Variants in EFNA5 observed in about 807,000 individuals in gnomAD.
EFNA5 encodes the protein ephrin A5.
EFNA5 carries 5 observed loss-of-function variants against 22.9 expected under a neutral mutation model. The ratio of observed to expected loss-of-function variants is 0.22; its 90% confidence interval spans 0.11 to 0.46. The LOEUF is 0.46. Among genes scored for constraint, EFNA5 ranks in the 20% least tolerant of loss-of-function variants. The pLI, the probability that EFNA5 is intolerant of heterozygous loss-of-function variation, is 0.99. For missense variants in EFNA5, 237 were observed against 293.3 expected, an observed-to-expected ratio of 0.81 and a Z score of 1.40; for synonymous variants, 113 against 112.2, an observed-to-expected ratio of 1.01 and a Z score of -0.04.
At chr5:107,547,658 G>A (rs1000703941) in intron 1 of EFNA5, among the ~76,000 whole-genome samples, 15 of 151,872 alleles carry the variant, frequency 9.9e-5, no homozygotes, top group Non-Finnish European at 1.8e-4. Flanking sequence ...AAGACATTAA[G>A]TAGATTATAC....
chr5:107,641,029 C>G (rs868055253), intron 1 of EFNA5, among the ~76,000 whole-genome samples: 5 of 138,858 alleles, frequency 3.6e-5, no homozygotes, highest in Non-Finnish European at 8.0e-5. Context: ...GATAGACAGA[C>G]AGACAGACAG....
At chr5:107,618,460 C>T (rs1301427809) in intron 1 of EFNA5, among the ~76,000 whole-genome samples, 1 of 152,088 alleles carries the variant, frequency 6.6e-6, no homozygotes, top group East Asian at 1.9e-4. Flanking sequence ...AGCTATATTC[C>T]TCAGGCCAGT....
intron 1 of EFNA5, among the ~76,000 whole-genome samples, chr5:107,630,705 C>A (rs2112535943): frequency 6.6e-6 from 1 of 152,114 alleles, no homozygotes; most frequent in South Asian, 2.1e-4. Flanking sequence ...ATAGATTAAC[C>A]TTAGCTTACT....
intron 1 of EFNA5, among the ~76,000 whole-genome samples, chr5:107,466,280 G>A (rs955418848): frequency 1.3e-5 from 2 of 152,128 alleles, no homozygotes; most frequent in African/African-American, 2.4e-5. Flanking sequence ...ATGTGTCAAA[G>A]GTGCAGGTAT....
intron 1 of EFNA5, among the ~76,000 whole-genome samples, chr5:107,528,417 C>A (rs1360183844): frequency 6.6e-6 from 1 of 152,044 alleles, no homozygotes; most frequent in Non-Finnish European, 1.5e-5. Context: ...CTCAGAATAT[C>A]TACTAAGTGC....
intron 2 of EFNA5, among the ~76,000 whole-genome samples, chr5:107,424,276 G>A (rs1748749340): frequency 7.5e-6 from 1 of 134,182 alleles, no homozygotes; most frequent in East Asian, 2.2e-4. Flanking sequence ...GCTCAATCTC[G>A]GCTCACTGCA....
At chr5:107,616,725 T>A (rs1251487226) in intron 1 of EFNA5, among the ~76,000 whole-genome samples, 1 of 152,180 alleles carries the variant, frequency 6.6e-6, no homozygotes, top group Non-Finnish European at 1.5e-5. Flanking sequence ...TAGCTATATC[T>A]GGGCAGTTAG....
At chr5:107,476,486 G>A (rs1423991975) in intron 1 of EFNA5, among the ~76,000 whole-genome samples, 1 of 152,124 alleles carries the variant, frequency 6.6e-6, no homozygotes, top group African/African-American at 2.4e-5. Flanking sequence ...CAGGTGGCTT[G>A]TTTAGAGTTT....
intron 2 of EFNA5, among the ~76,000 whole-genome samples, chr5:107,405,577 C>T (rs1341321295): frequency 2.6e-5 from 4 of 152,000 alleles, no homozygotes; most frequent in South Asian, 4.2e-4. Flanking sequence ...ATCTGTTTGC[C>T]AAAAATTACT....
chr5:107,496,336 C>CAAAAAAAAAAAAAAAAAAAAAAAA (rs77916124), intron 1 of EFNA5, among the ~76,000 whole-genome samples: 1 of 79,816 alleles, frequency 1.3e-5, no homozygotes, highest in African/African-American at 5.1e-5. Flanking sequence ...AATTCCATCT[C>CAAAAAAAAAAAAAAAAAAAAAAAA]AAAAAAAAAA....
intron 1 of EFNA5, among the ~76,000 whole-genome samples, chr5:107,496,662 T>C (rs1055845869): frequency 3.9e-5 from 6 of 152,348 alleles, no homozygotes; most frequent in African/African-American, 1.4e-4. Flanking sequence ...CAACAGCTGG[T>C]GCTGTCTGTT....
intron 1 of EFNA5, among the ~76,000 whole-genome samples, chr5:107,539,582 C>G (rs1317758213): frequency 6.6e-6 from 1 of 152,170 alleles, no homozygotes; most frequent in African/African-American, 2.4e-5. Context: ...TCTCAGCCTC[C>G]CAAGTAGCTG....
rs951452645 is a variant in EFNA5 at position 107,380,754 on chromosome 5, C to T, written c.*501G>A. 9 of 399,416 alleles carry T rather than the reference C, an allele frequency of 2.3e-5. No individual in the cohort carries two copies. Among genetic ancestry groups the T allele is most frequent in the Non-Finnish European group, 4.0e-5 (9 of 226,684 alleles). The allele number at this position is 399,416 out of a possible 1,614,324, so 24.7% of individuals were successfully genotyped here. On this transcript the variant is annotated 3_prime_UTR_variant, in exon 5 of 5. Transcript: ENST00000333274. ...CTATTCTTAATACCTCCCCTCCGGA[C>T]CTGACATGGTGACATGATGCCCTGC...
chr5:107,397,622 C>T (rs535187542), intron 2 of EFNA5, among the ~76,000 whole-genome samples: 1 of 151,978 alleles, frequency 6.6e-6, no homozygotes, highest in African/African-American at 2.4e-5. Context: ...TATTTCTTAA[C>T]CAGTAAGCCA....
At chr5:107,504,205 T>C (rs1283253921) in intron 1 of EFNA5, among the ~76,000 whole-genome samples, 1 of 152,136 alleles carries the variant, frequency 6.6e-6, no homozygotes, top group Non-Finnish European at 1.5e-5. Context: ...ATTTTTTAAA[T>C]TAACTAAAAA....
intron 1 of EFNA5, among the ~76,000 whole-genome samples, chr5:107,489,486 T>G (rs1580488555): frequency 6.6e-6 from 1 of 152,274 alleles, no homozygotes; most frequent in Non-Finnish European, 1.5e-5. Flanking sequence ...CAGATAAAAT[T>G]TAAACCAAAC....
rs1011606715 is a variant in EFNA5, at chr5:107,664,047, C to T, written c.125+6442G>A. 2.6e-5 allele frequency among the ~76,000 whole-genome samples: 4 copies of T among 152,212 alleles called. No homozygotes were observed. The South Asian group carries it at 8.3e-4, about 32-fold the overall frequency. On this transcript the variant is annotated intron_variant, in intron 1 of 4. Transcript: ENST00000333274. Reference sequence around the variant, plus strand: ...ACTAGCTAGCCTAAATAAGAGTTTTCAATATTTTAAAATAATGTTTTCATT... The same window carrying T: ...ACTAGCTAGCCTAAATAAGAGTTTTTAATATTTTAAAATAATGTTTTCATT...
chr5:107,417,990 G>A (rs1748548132), intron 2 of EFNA5, among the ~76,000 whole-genome samples: 2 of 152,152 alleles, frequency 1.3e-5, no homozygotes, highest in South Asian at 2.1e-4. Context: ...GGTTCAGAGA[G>A]TAACCTTTCA....
chr5:107,489,520 G>A (rs1411528874), intron 1 of EFNA5, among the ~76,000 whole-genome samples: 1 of 151,942 alleles, frequency 6.6e-6, no homozygotes, highest in Non-Finnish European at 1.5e-5. Flanking sequence ...ATTTTCTGTG[G>A]GTTAATGTTA....
Sources: allele counts gnomAD v4.1 joint callset (sites outside exome capture counted in the v4.1 genomes callset), GRCh38; gene constraint gnomAD v4.1.1; transcripts MANE v1.5; gene names NCBI Gene and HGNC (gene_info 2026-07-23, HGNC 2026-07-21).